Variants in PAM observed in about 807,000 individuals in gnomAD.
PAM encodes peptidylglycine alpha-amidating monooxygenase.
Under a neutral mutation model 122.1 loss-of-function variants are expected in PAM, and 72 were observed. The observed-to-expected ratio is 0.59, with a 90% CI of 0.49 to 0.72. PAM has a LOEUF of 0.72. Ranked by LOEUF, PAM falls within the 30% of genes least tolerant of loss-of-function variation. The pLI, the probability that PAM is intolerant of heterozygous loss-of-function variation, is 0.00. For missense variants in PAM, 1,106 were observed against 1,183.7 expected, an observed-to-expected ratio of 0.93 and a Z score of 0.96; for synonymous variants, 389 against 404.4, an observed-to-expected ratio of 0.96 and a Z score of 0.46.
chr5:102,840,471 G>A (rs1307306964), intron 1 of PAM, among the ~76,000 whole-genome samples: 3 of 151,896 alleles, frequency 2.0e-5, no homozygotes, highest in Admixed American at 2.0e-4. Flanking sequence ...TAATAAATTG[G>A]GTTTCACAAA....
intron 14 of PAM, among the ~76,000 whole-genome samples, chr5:102,964,198 G>C (rs564481559): frequency 6.6e-6 from 1 of 151,968 alleles, no homozygotes; most frequent in Non-Finnish European, 1.5e-5. Context: ...TTCTCCAGGA[G>C]AAATATATTT....
chr5:102,756,605 A>G (rs777403202), intron 1 of PAM, among the ~76,000 whole-genome samples: 1 of 152,232 alleles, frequency 6.6e-6, no homozygotes, highest in Admixed American at 6.5e-5. Context: ...TTTTCAGTTT[A>G]TAATCACAGG....
At chr5:103,007,188 T>TACACACACAC (rs1247892849) in intron 19 of PAM, among the ~76,000 whole-genome samples, 177 bp downstream of exon 19, 7 of 106,458 alleles carry the variant, frequency 6.6e-5, no homozygotes, top group African/African-American at 2.9e-4. Flanking sequence ...CACACACATA[T>TACACACACAC]ACATACACAC....
chr5:102,817,948 G>T, intron 1 of PAM, among the ~76,000 whole-genome samples: 1 of 148,738 alleles, frequency 6.7e-6, no homozygotes, highest in Non-Finnish European at 1.5e-5. Flanking sequence ...GTGTCTGCAG[G>T]GCCTGTGCAG....
intron 15 of PAM, chr5:102,990,051 G>A: frequency 3.1e-6 from 1 of 322,960 alleles, no homozygotes; most frequent in Non-Finnish European, 5.6e-6. Flanking sequence ...ATCAAAAGGA[G>A]AAGAAAACAG....
intron 1 of PAM, among the ~76,000 whole-genome samples, chr5:102,815,583 C>T (rs1419003314): frequency 3.9e-5 from 6 of 152,170 alleles, no homozygotes; most frequent in African/African-American, 2.4e-5. Context: ...ATTTCTCCCT[C>T]TCTCTTGCTT....
intron 1 of PAM, among the ~76,000 whole-genome samples, chr5:102,779,962 T>C (rs1758277175): frequency 6.9e-6 from 1 of 145,832 alleles, no homozygotes; most frequent in African/African-American, 2.5e-5. Flanking sequence ...GTTCTGACCC[T>C]CCAGGGAATC....
In PAM at chr5:103,009,836, A is replaced by C. The variant is rs1293555905; in HGVS notation, c.2301A>C (p.Glu767Asp). 6.2e-7 allele frequency: 1 copy of C among 1,608,742 alleles called. No individual in the cohort carries two copies. The highest frequency in any genetic ancestry group is 2.2e-5 in the East Asian group (1 of 44,776). ...QGFVMNFSNG[E>D]IIDIFKPVRK... Reference sequence around the variant, plus strand: ...TTGTGATGAACTTTTCCAATGGGGAAATTATAGACATCTTCAAGCCAGTGC... The same window carrying C: ...TTGTGATGAACTTTTCCAATGGGGACATTATAGACATCTTCAAGCCAGTGC... Residue 767 changes from glutamate (E) to aspartate (D), a missense_variant, in exon 21 of 26, where the codon GAA becomes GAC. Physicochemically the swap from Glu to Asp is conservative, Grantham distance 45 (BLOSUM62 2). Coordinates refer to ENST00000438793, the MANE Select transcript of PAM (RefSeq NM_001177306.2).
At chr5:102,957,971 T>C (rs1189333657) in intron 12 of PAM, among the ~76,000 whole-genome samples, 1 of 152,186 alleles carries the variant, frequency 6.6e-6, no homozygotes, top group Non-Finnish European at 1.5e-5. Context: ...TAAAAACATA[T>C]AATAGCTCAC....
At chr5:102,756,131 C>G (rs1331631537) in intron 1 of PAM, among the ~76,000 whole-genome samples, 1 of 152,102 alleles carries the variant, frequency 6.6e-6, no homozygotes, top group Non-Finnish European at 1.5e-5. Flanking sequence ...TTGTGGGGCT[C>G]CCTTGGGATG....
chr5:102,970,491 C>T (rs972772606), intron 14 of PAM, among the ~76,000 whole-genome samples: 3 of 152,118 alleles, frequency 2.0e-5, no homozygotes, highest in Non-Finnish European at 2.9e-5. Flanking sequence ...CTCTCCCCAC[C>T]TCCACAACAA....
At chr5:103,027,350 T>C (rs1785241585) in intron 24 of PAM, among the ~76,000 whole-genome samples, 2 of 152,176 alleles carry the variant, frequency 1.3e-5, no homozygotes, top group Non-Finnish European at 2.9e-5. Flanking sequence ...CCCTTTCCTC[T>C]CATCTGCGCT....
chr5:102,967,671 G>A (rs1764507642), intron 14 of PAM, among the ~76,000 whole-genome samples: 1 of 150,302 alleles, frequency 6.7e-6, no homozygotes, highest in South Asian at 2.1e-4. Flanking sequence ...AAAGAATTTG[G>A]TCATACATGT....
chr5:102,796,513 T>C (rs1375191634), intron 1 of PAM, among the ~76,000 whole-genome samples: 1 of 152,124 alleles, frequency 6.6e-6, no homozygotes. Flanking sequence ...ATCTTTGCTC[T>C]TGGTAAGATT....
intron 1 of PAM, among the ~76,000 whole-genome samples, chr5:102,815,953 TA>T (rs938878155): frequency 9.2e-5 from 14 of 152,322 alleles, no homozygotes; most frequent in African/African-American, 2.6e-4. Flanking sequence ...TTATCTAGTT[TA>T]AAGTTTCAGT....
At chr5:102,920,951 C>A (rs1017474627) in intron 5 of PAM, among the ~76,000 whole-genome samples, 8 of 152,022 alleles carry the variant, frequency 5.3e-5, no homozygotes, top group African/African-American at 1.9e-4. Context: ...GACAAGCTAC[C>A]ATTTTCAGTG....
At chr5:102,833,296 A>G (rs1234997006) in intron 1 of PAM, among the ~76,000 whole-genome samples, 2 of 152,124 alleles carry the variant, frequency 1.3e-5, no homozygotes, top group African/African-American at 4.8e-5. Context: ...TTATTTATAA[A>G]TATTTTTGCT....
At chr5:102,882,104 T>TAC (rs1791434172) in intron 3 of PAM, among the ~76,000 whole-genome samples, 1 of 98,686 alleles carries the variant, frequency 1.0e-5, no homozygotes, top group African/African-American at 3.8e-5. Context: ...TATATATATA[T>TAC]ATATATACAC....
At chr5:102,881,118 A>G (rs1790835428) in intron 3 of PAM, among the ~76,000 whole-genome samples, 1 of 119,864 alleles carries the variant, frequency 8.3e-6, no homozygotes, top group Non-Finnish European at 1.7e-5. Flanking sequence ...TTAAAAAATA[A>G]TTTTTATACA....
Sources: gnomAD v4.1 joint callset for allele counts (sites outside exome capture counted in the v4.1 genomes callset) on GRCh38, gnomAD v4.1.1 for gene constraint, MANE v1.5 for transcripts, NCBI Gene and HGNC (gene_info 2026-07-23, HGNC 2026-07-21) for gene names.